DNAH6: variants seen among roughly 807,000 people sequenced by gnomAD.
DNAH6 encodes the protein dynein axonemal heavy chain 6.
Under a neutral mutation model 491.4 loss-of-function variants are expected in DNAH6, and 340 were observed. The ratio of observed to expected loss-of-function variants is 0.69; its 90% CI spans 0.63 to 0.76. The LOEUF (loss-of-function observed/expected upper bound fraction) is 0.76, where lower values mean the gene tolerates loss of function less well. Among genes scored for constraint, DNAH6 ranks in the 30% least tolerant of loss-of-function variants. The pLI is 0.00. For synonymous variants in DNAH6, 1,603 were observed against 1,686.1 expected (o/e 0.95, Z 1.21); for missense variants, 4,443 against 4,972.2 (o/e 0.89, Z 3.20).
At chr2:84,600,258 G>T (rs1336832702) in intron 18 of DNAH6, among the ~76,000 whole-genome samples, 1 of 152,018 alleles carries the variant, frequency 6.6e-6, no homozygotes, top group Admixed American at 6.6e-5. Context: ...TAGATTCATA[G>T]AAAAGTTATA....
chr2:84,753,175 A>G (rs1201885026), intron 63 of DNAH6, among the ~76,000 whole-genome samples: 1 of 152,032 alleles, frequency 6.6e-6, no homozygotes, highest in Non-Finnish European at 1.5e-5. Flanking sequence ...CTTTTTGGCT[A>G]TTTGTGGAAC....
chr2:84,739,758 AT>A (rs374199754), intron 62 of DNAH6, among the ~76,000 whole-genome samples: 89 of 152,274 alleles, frequency 5.8e-4, no homozygotes, highest in African/African-American at 2.0e-3. Flanking sequence ...TGTTCTTAAT[AT>A]AGCTATGTTG....
chr2:84,744,306 T>G (rs900416913), intron 62 of DNAH6, among the ~76,000 whole-genome samples: 1 of 152,240 alleles, frequency 6.6e-6, no homozygotes, highest in East Asian at 1.9e-4. Flanking sequence ...CTAGTTATTT[T>G]GGCTTTCTGA....
chr2:84,738,248 G>A (rs1672190648), intron 62 of DNAH6, among the ~76,000 whole-genome samples: 1 of 152,108 alleles, frequency 6.6e-6, no homozygotes, highest in South Asian at 2.1e-4. Context: ...TGTTTATTGA[G>A]ACTTGCTTTA....
the DNAH6 span, among the ~76,000 whole-genome samples, chr2:84,487,861 C>A: frequency 6.6e-6 from 1 of 152,248 alleles, no homozygotes; most frequent in African/African-American, 2.4e-5. Context: ...GACCTGGTAC[C>A]AAGTCCCTGT....
chr2:84,762,317 A>T (rs910102665), intron 63 of DNAH6, among the ~76,000 whole-genome samples: 1 of 152,306 alleles, frequency 6.6e-6, no homozygotes. Flanking sequence ...TCAAGGGAAG[A>T]TCTCTGTTTT....
At chr2:84,660,437 CTCTT>C (rs1691390972) in intron 37 of DNAH6, among the ~76,000 whole-genome samples, 1 of 151,968 alleles carries the variant, frequency 6.6e-6, no homozygotes, top group Non-Finnish European at 1.5e-5. Context: ...GAAAGAAAAA[CTCTT>C]TCTTATGGCT....
At chr2:84,608,633 A>G (rs1686008184) in intron 21 of DNAH6, among the ~76,000 whole-genome samples, 1 of 152,190 alleles carries the variant, frequency 6.6e-6, no homozygotes, top group Admixed American at 6.5e-5. Context: ...TGCTGTAAAC[A>G]GATGTGCTGT....
In DNAH6 at chr2:84,653,845, C is replaced by T. The variant is rs1338005422; in HGVS notation, c.5605C>T (p.Leu1869Phe). 2 of 1,550,094 alleles carry T rather than the reference C, an allele frequency of 1.3e-6. No individual in the cohort carries two copies. Among genetic ancestry groups the T allele is most frequent in the East Asian group, 4.9e-5 (2 of 40,878 alleles). Residue 1869 changes from leucine (L) to phenylalanine (F), a missense_variant, in exon 34 of 77, where the codon CTC (leucine) becomes TTC (phenylalanine). Leu to Phe is a conservative substitution (Grantham distance 22). Around this residue, in one of 3 missense-constraint regions of DNAH6, gnomAD observed 2,977 missense variants for 3,296.6 expected, o/e 0.90. Transcript: ENST00000389394. ...LCLANSERIKLTPQIHMLFEV... is the reference protein window; with the variant it reads ...LCLANSERIKFTPQIHMLFEV... ...CCTGGCTAACAGTGAGAGGATTAAACTCACACCTCAAATTCACATGCTTTT... is the reference window on the plus strand; with the variant it reads ...CCTGGCTAACAGTGAGAGGATTAAATTCACACCTCAAATTCACATGCTTTT...
At chr2:84,675,753 G>A (rs565454698) in intron 40 of DNAH6, among the ~76,000 whole-genome samples, 1 of 152,256 alleles carries the variant, frequency 6.6e-6, no homozygotes, top group South Asian at 2.1e-4. Flanking sequence ...CAACCTCCCA[G>A]GCTCAAGCAA....
the DNAH6 span, among the ~76,000 whole-genome samples, chr2:84,488,861 C>T: frequency 3.3e-4 from 50 of 152,224 alleles, no homozygotes; most frequent in African/African-American, 1.1e-3. Flanking sequence ...AGGGCCATTA[C>T]GTCTGATCCA....
intron 33 of DNAH6, among the ~76,000 whole-genome samples, chr2:84,645,890 A>G (rs1573344811): frequency 6.6e-6 from 1 of 152,082 alleles, no homozygotes; most frequent in Admixed American, 6.6e-5. Flanking sequence ...CTCCCATACT[A>G]GTTTGTTGTA....
rs1678876015 is a variant in DNAH6, at chr2:84,547,279, A to G, written c.942A>G (p.Pro314=). ...NLFIVNPHLR[P]ALLKINELCY... ...CTATTTTCATTCAGCATTTGCGACCAGCTCTTCTTAAAATAAATGAATTGT... is the reference window on the plus strand; with the variant it reads ...CTATTTTCATTCAGCATTTGCGACCGGCTCTTCTTAAAATAAATGAATTGT... Residue 314 remains proline (P), a synonymous_variant, in exon 6 of 77, where the codon CCA becomes CCG. Coordinates refer to ENST00000389394, the MANE Select transcript of DNAH6 (RefSeq NM_001370.2). The G allele has an allele frequency of 3.2e-6, 5 of 1,540,080 alleles. No homozygotes were observed. Among genetic ancestry groups the G allele is most frequent in the African/African-American group, 1.4e-5 (1 of 72,424 alleles).
At chr2:84,590,273 A>G (rs1242261765) in intron 16 of DNAH6, among the ~76,000 whole-genome samples, 1 of 152,012 alleles carries the variant, frequency 6.6e-6, no homozygotes, top group Non-Finnish European at 1.5e-5. Context: ...AGGCTGGCAA[A>G]TCACGAGGTC....
At chr2:84,712,446 G>T (rs776398014) in intron 56 of DNAH6, among the ~76,000 whole-genome samples, 23 of 152,134 alleles carry the variant, frequency 1.5e-4, no homozygotes, top group Non-Finnish European at 2.9e-4. Flanking sequence ...CCATGCCCAC[G>T]TTCCTACCAA....
At chr2:84,767,723 GAGAGA>G (rs1035666507) in intron 64 of DNAH6, among the ~76,000 whole-genome samples, 1 of 151,982 alleles carries the variant, frequency 6.6e-6, no homozygotes, top group African/African-American at 2.4e-5. Context: ...GTCCCAGAAG[GAGAGA>G]AGAGTGCAGA....
At chr2:84,648,282 A>G (rs568957829) in intron 33 of DNAH6, among the ~76,000 whole-genome samples, 3 of 152,360 alleles carry the variant, frequency 2.0e-5, no homozygotes, top group East Asian at 3.9e-4. Flanking sequence ...TACAAGATGA[A>G]TGTTGTTTTC....
At chr2:84,589,623 G>A (rs1683897863) in intron 16 of DNAH6, among the ~76,000 whole-genome samples, 1 of 149,726 alleles carries the variant, frequency 6.7e-6, no homozygotes, top group Non-Finnish European at 1.5e-5. Flanking sequence ...AAACGGGGAG[G>A]ATCATTTGAG....
intron 68 of DNAH6, among the ~76,000 whole-genome samples, chr2:84,789,958 G>A (rs1271156824): frequency 6.6e-6 from 1 of 152,180 alleles, no homozygotes; most frequent in South Asian, 2.1e-4. Flanking sequence ...AGGACCATCA[G>A]TTCTTTGGGG....
Sources: allele counts gnomAD v4.1 joint callset (sites outside exome capture counted in the v4.1 genomes callset), GRCh38; gene constraint gnomAD v4.1.1; regional missense constraint gnomAD v4.1.1; transcripts MANE v1.5; gene names NCBI Gene and HGNC (gene_info 2026-07-23, HGNC 2026-07-21).